The following SLC16A12 variants were observed in gnomAD, a reference collection of about 807,000 sequenced individuals.
SLC16A12 encodes monocarboxylate transporter 12.
A neutral mutation model predicts 42.4 loss-of-function variants in SLC16A12; 17 were observed. The ratio of observed to expected loss-of-function variants is 0.40; its 90% confidence interval spans 0.27 to 0.60. SLC16A12 has a LOEUF of 0.60. Among genes scored for constraint, SLC16A12 ranks in the 20% least tolerant of loss-of-function variants. The pLI is 0.42. For synonymous variants in SLC16A12, 224 were observed against 229.4 expected, an observed-to-expected ratio of 0.98 and a Z score of 0.21; for missense variants, 544 against 623.0, an observed-to-expected ratio of 0.87 and a Z score of 1.35.
chr10:89,465,734 G>A (rs947782171), intron 2 of SLC16A12, among the ~76,000 whole-genome samples: 1 of 152,142 alleles, frequency 6.6e-6, no homozygotes, highest in African/African-American at 2.4e-5. Flanking sequence ...GCTTTGTTAG[G>A]ATTCAACTCT....
intron 2 of SLC16A12, among the ~76,000 whole-genome samples, chr10:89,499,462 G>T (rs1842965684): frequency 6.6e-6 from 1 of 152,162 alleles, no homozygotes; most frequent in East Asian, 1.9e-4. Flanking sequence ...GCTGAGGCAG[G>T]AGAATCACTT....
chr10:89,469,317 T>C (rs1842457586), intron 2 of SLC16A12, among the ~76,000 whole-genome samples: 1 of 152,222 alleles, frequency 6.6e-6, no homozygotes, highest in South Asian at 2.1e-4. Flanking sequence ...ACAGTGCAAG[T>C]TGGGATATAT....
chr10:89,535,016 C>G (rs966568865), intron 1 of SLC16A12, among the ~76,000 whole-genome samples: 1 of 152,124 alleles, frequency 6.6e-6, no homozygotes, highest in Admixed American at 6.6e-5. Flanking sequence ...GTTCAATCCA[C>G]TGAAAGCCGG....
chr10:89,433,993 C>T (rs1002162669), intron 7 of SLC16A12, among the ~76,000 whole-genome samples: 3 of 152,136 alleles, frequency 2.0e-5, no homozygotes, highest in African/African-American at 7.2e-5. Flanking sequence ...CATTATACTT[C>T]GTCAGGCAAT....
At chr10:89,452,001 C>T (rs1173774608) in intron 3 of SLC16A12, among the ~76,000 whole-genome samples, 1 of 152,188 alleles carries the variant, frequency 6.6e-6, no homozygotes, top group African/African-American at 2.4e-5. Context: ...CCAAAACCTG[C>T]TTCAAATGCA....
intron 2 of SLC16A12, among the ~76,000 whole-genome samples, chr10:89,529,794 C>T (rs1313184096): frequency 1.3e-5 from 2 of 152,114 alleles, no homozygotes; most frequent in African/African-American, 2.4e-5. Flanking sequence ...GTGATCCACC[C>T]GCCTCAACCT....
chr10:89,554,141 A>T (rs915121360), intron 2 of SLC16A12, among the ~76,000 whole-genome samples: 2 of 150,782 alleles, frequency 1.3e-5, no homozygotes, highest in African/African-American at 4.9e-5. Context: ...GGAAGGAAGG[A>T]AGGAAAGAAA....
At position 89,534,643 on chromosome 10, in the gene SLC16A12, GCAAAAAAAAAA is replaced by G. The variant is rs1843618358; in HGVS notation, c.-186-14_-186-4del. 6.4e-5 allele frequency: 1 copy of G among 15,562 alleles called. No homozygotes were observed. The highest frequency in any genetic ancestry group is 5.4e-4 in the African/African-American group (1 of 1,842). 1.0% of individuals were successfully genotyped at this position (15,562 alleles called of 1,614,324 possible). On this transcript the variant is annotated splice_region_variant and splice_polypyrimidine_tract_variant and intron_variant, in intron 1 of 7. Coordinates refer to ENST00000371790, the MANE Select transcript of SLC16A12 (RefSeq NM_213606.4). ...GCCAATATGTCGAAATCCTGTATCT[GCAAAAAAAAAA>G]AAAAAAAAAAAAAAAAATCCAAAAA...
At chr10:89,543,042 A>T (rs542342806) in intron 2 of SLC16A12, among the ~76,000 whole-genome samples, 2 of 152,356 alleles carry the variant, frequency 1.3e-5, no homozygotes, top group East Asian at 1.9e-4. Context: ...ATCTAACAGC[A>T]TCATTGAAGG....
chr10:89,549,944 G>A (rs1843761016), intron 2 of SLC16A12, among the ~76,000 whole-genome samples: 1 of 152,090 alleles, frequency 6.6e-6, no homozygotes, highest in Non-Finnish European at 1.5e-5. Flanking sequence ...CCCTCTTTAA[G>A]CAGAGAACTC....
At chr10:89,481,658 T>TGA (rs200446747) in intron 2 of SLC16A12, among the ~76,000 whole-genome samples, 5,049 of 140,884 alleles carry the variant, frequency 0.036, 277 homozygotes, top group African/African-American at 0.13. Context: ...TGTGTGTGTG[T>TGA]GTGTGTGAGA....
At chr10:89,472,912 G>A (rs1842523159) in intron 2 of SLC16A12, among the ~76,000 whole-genome samples, 1 of 151,940 alleles carries the variant, frequency 6.6e-6, no homozygotes, top group Non-Finnish European at 1.5e-5. Context: ...TGACCTCCTG[G>A]GCTCAAGTGA....
intron 3 of SLC16A12, among the ~76,000 whole-genome samples, chr10:89,454,924 T>C (rs1237003367): frequency 6.6e-6 from 1 of 152,154 alleles, no homozygotes; most frequent in Non-Finnish European, 1.5e-5. Context: ...TGTCATATAC[T>C]TGGTGTTCAT....
intron 2 of SLC16A12, among the ~76,000 whole-genome samples, chr10:89,550,451 G>A (rs541422145): frequency 3.3e-5 from 5 of 152,266 alleles, no homozygotes; most frequent in East Asian, 1.9e-4. Context: ...TCCGGGAGGC[G>A]GAGGTTGCAG....
chr10:89,533,176 T>C (rs1306484419), intron 2 of SLC16A12, among the ~76,000 whole-genome samples: 1 of 151,906 alleles, frequency 6.6e-6, no homozygotes, highest in Non-Finnish European at 1.5e-5. Context: ...TAGTTTTTTT[T>C]TTTTCCATGA....
chr10:89,458,254 C>A (rs74894530), intron 3 of SLC16A12, among the ~76,000 whole-genome samples: 13,672 of 152,140 alleles, frequency 0.09, 2,003 homozygotes, highest in African/African-American at 0.31. Flanking sequence ...TCTGGCCAAA[C>A]GAGGCAGGGG....
At chr10:89,505,221 C>T (rs1843042264) in intron 2 of SLC16A12, among the ~76,000 whole-genome samples, 1 of 152,044 alleles carries the variant, frequency 6.6e-6, no homozygotes, top group Admixed American at 6.5e-5. Context: ...TTGAGACCAT[C>T]CTGGCTAACA....
intron 3 of SLC16A12, among the ~76,000 whole-genome samples, chr10:89,447,201 G>A (rs954702592): frequency 6.6e-6 from 1 of 152,138 alleles, no homozygotes; most frequent in Non-Finnish European, 1.5e-5. Context: ...AGATCAACGA[G>A]ACAGAAGGTT....
At chr10:89,527,856 A>G (rs1336763521) in intron 2 of SLC16A12, among the ~76,000 whole-genome samples, 1 of 151,300 alleles carries the variant, frequency 6.6e-6, no homozygotes. Context: ...GGTGAATTCT[A>G]AGTAGGAGTA....
Sources: gnomAD v4.1 joint callset for allele counts (sites outside exome capture counted in the v4.1 genomes callset) on GRCh38, gnomAD v4.1.1 for gene constraint, MANE v1.5 for transcripts, NCBI Gene and HGNC (gene_info 2026-07-23, HGNC 2026-07-21) for gene names.